HTR7: variants seen among roughly 807,000 people sequenced by gnomAD.
The protein encoded by HTR7 is 5-hydroxytryptamine receptor 7.
HTR7 carries 16 observed loss-of-function variants against 34.0 expected under a neutral mutation model. The ratio of observed to expected loss-of-function variants is 0.47; its 90% CI spans 0.32 to 0.71. The LOEUF is 0.71. HTR7 is among the 30% of genes least tolerant of loss of function. HTR7 has a pLI of 0.04. For missense variants in HTR7, 504 were observed against 625.5 expected (o/e 0.81, Z 2.07); for synonymous variants, 265 against 260.2 (o/e 1.02, Z -0.18).
At chr10:90,802,509 G>C (rs1463152637) in intron 1 of HTR7, among the ~76,000 whole-genome samples, 1 of 152,156 alleles carries the variant, frequency 6.6e-6, no homozygotes, top group African/African-American at 2.4e-5. Flanking sequence ...TAAATGAAGA[G>C]GCTTTTGAAT....
At chr10:90,808,637 G>C (rs1845745699) in intron 1 of HTR7, among the ~76,000 whole-genome samples, 1 of 152,074 alleles carries the variant, frequency 6.6e-6, no homozygotes, top group Non-Finnish European at 1.5e-5. Context: ...TGGAGGGTAA[G>C]AACCCCTGAA....
At chr10:90,766,908 TGACA>T (rs758733935) in intron 1 of HTR7, among the ~76,000 whole-genome samples, 28 of 152,276 alleles carry the variant, frequency 1.8e-4, no homozygotes, top group African/African-American at 6.7e-4. Context: ...CTGGTAGCAT[TGACA>T]GACAGACAGA....
intron 1 of HTR7, among the ~76,000 whole-genome samples, chr10:90,851,093 A>C (rs1846491119): frequency 6.6e-6 from 1 of 152,208 alleles, no homozygotes; most frequent in Non-Finnish European, 1.5e-5. Context: ...AGACCTAGAG[A>C]CATCACAGAA....
intron 1 of HTR7, among the ~76,000 whole-genome samples, chr10:90,820,191 C>G (rs1845956632): frequency 6.6e-6 from 1 of 152,106 alleles, no homozygotes; most frequent in Non-Finnish European, 1.5e-5. Context: ...GCTAGTCTGA[C>G]AGTTGAGTCA....
chr10:90,765,438 C>G (rs1183804496), intron 1 of HTR7, among the ~76,000 whole-genome samples: 1 of 151,370 alleles, frequency 6.6e-6, no homozygotes, highest in Non-Finnish European at 1.5e-5. Context: ...CATTCTTAGT[C>G]TAGTTAATGG....
chr10:90,805,947 G>C (rs1845698338), intron 1 of HTR7, among the ~76,000 whole-genome samples: 1 of 152,178 alleles, frequency 6.6e-6, no homozygotes, highest in Non-Finnish European at 1.5e-5. Flanking sequence ...AAAATCTAGA[G>C]ATCATGTTAT....
intron 1 of HTR7, among the ~76,000 whole-genome samples, chr10:90,761,581 T>C (rs1339046168): frequency 6.6e-6 from 1 of 152,110 alleles, no homozygotes; most frequent in East Asian, 1.9e-4. Flanking sequence ...GATGTGTTAC[T>C]ATGTGAGGTA....
At chr10:90,846,549 A>C (rs1846415745) in intron 1 of HTR7, among the ~76,000 whole-genome samples, 1 of 152,168 alleles carries the variant, frequency 6.6e-6, no homozygotes, top group South Asian at 2.1e-4. Flanking sequence ...CCTCTTTAAC[A>C]AGCATGACCA....
Position 90,856,991 on chromosome 10 carries a change from A to AT in HTR7, c.539+141dup, listed in dbSNP as rs1398554640. On this transcript the variant is annotated intron_variant, in intron 1 of 3. Transcript: ENST00000336152. The stretch of plus-strand genomic sequence containing the variant: ...CCGAAGTTTGGTTGGTGTAGGGTGG[A>AT]TTGGGGGGAGCGGTGTTTTAAGCGC... The AT allele has an allele frequency of 8.2e-6, 6 of 734,770 alleles. No individual in the cohort carries two copies. The Admixed American group carries it at 1.8e-4, about 22-fold the overall frequency. The allele number at this position is 734,770 out of a possible 1,614,324, so 45.5% of individuals were successfully genotyped here.
At chr10:90,784,398 G>A (rs1488900099) in intron 1 of HTR7, among the ~76,000 whole-genome samples, 3 of 152,130 alleles carry the variant, frequency 2.0e-5, no homozygotes, top group African/African-American at 7.2e-5. Flanking sequence ...CTCTTGGACT[G>A]TCTGGCCCTC....
intron 1 of HTR7, among the ~76,000 whole-genome samples, chr10:90,851,604 C>CCA (rs1846501037): frequency 1.4e-5 from 1 of 69,182 alleles, no homozygotes; most frequent in South Asian, 7.1e-4. Flanking sequence ...GACTCCGTCC[C>CCA]AAAAAAAAAA....
At chr10:90,785,287 C>T (rs1845363602) in intron 1 of HTR7, among the ~76,000 whole-genome samples, 1 of 152,152 alleles carries the variant, frequency 6.6e-6, no homozygotes, top group Non-Finnish European at 1.5e-5. Flanking sequence ...GTAGCAAAAA[C>T]TGTACCTGTC....
rs1223869619 is a variant in HTR7, at chr10:90,857,357, G to C, written c.315C>G (p.Ser105=). ...TIAGNCLVVI[S]VCFVKKLRQP... ...GGCGGAGCTTCTTGACGAAGCACAC[G>C]GAGATCACCACCAGGCAGTTGCCCG... is the stretch of plus-strand genomic sequence containing the variant. Residue 105 remains serine, a synonymous_variant, in exon 1 of 4, where the codon TCC becomes TCG. Transcript: ENST00000336152. This position sits in a 1 kb window ranked among gnomAD's most constrained non-coding sequence, Gnocchi z 6.5. The C allele has an allele frequency of 3.1e-6, 5 of 1,614,098 alleles. No individual in the cohort carries two copies. In the South Asian group the frequency reaches 5.5e-5, roughly 18 times the overall value.
At chr10:90,744,013 A>G (rs560547439) in intron 2 of HTR7, 1 of 483,468 alleles carries the variant, frequency 2.1e-6, no homozygotes, top group South Asian at 1.7e-5. Flanking sequence ...ACAGGTTTGT[A>G]CAGGAAAGAA....
Position 90,807,401 on chromosome 10 carries a change from T to C in HTR7, c.539+49732A>G, listed in dbSNP as rs568712528. 7.0e-3 allele frequency among the ~76,000 whole-genome samples: 1,065 copies of C among 152,166 alleles called. 15 individuals carry two copies. Among genetic ancestry groups the C allele is most frequent in the African/African-American group, 0.024 (984 of 41,468 alleles). Reference sequence around the variant, plus strand: ...ACAAAAGAAGTGAATATGCCCTGCCTCACCTCAACTGATGACATTCCACCA... The same window carrying C: ...ACAAAAGAAGTGAATATGCCCTGCCCCACCTCAACTGATGACATTCCACCA... On this transcript the variant is annotated intron_variant, in intron 1 of 3. Transcript: ENST00000336152.
At chr10:90,768,184 T>C (rs1357909786) in intron 1 of HTR7, among the ~76,000 whole-genome samples, 1 of 152,188 alleles carries the variant, frequency 6.6e-6, no homozygotes. Context: ...CTCCTCAATA[T>C]CTCTAAAACC....
intron 2 of HTR7, among the ~76,000 whole-genome samples, chr10:90,747,442 C>T (rs1272968619): frequency 1.3e-5 from 2 of 152,094 alleles, no homozygotes; most frequent in Non-Finnish European, 2.9e-5. Flanking sequence ...ATATTGTGAA[C>T]AATCTCGTGT....
At chr10:90,803,469 C>G (rs1329966610) in intron 1 of HTR7, among the ~76,000 whole-genome samples, 1 of 152,162 alleles carries the variant, frequency 6.6e-6, no homozygotes, top group Non-Finnish European at 1.5e-5. Flanking sequence ...TCAAATATCA[C>G]TTAAACTCCA....
intron 1 of HTR7, among the ~76,000 whole-genome samples, chr10:90,812,602 A>T (rs983231789): frequency 3.3e-5 from 5 of 151,734 alleles, no homozygotes; most frequent in Admixed American, 6.6e-5. Context: ...TCTTCTAACA[A>T]CCCCACAATA....
Sources: gnomAD v4.1 joint callset for allele counts (sites outside exome capture counted in the v4.1 genomes callset) on GRCh38, gnomAD v4.1.1 for gene constraint, Gnocchi (gnomAD v3.1) non-coding constraint, MANE v1.5 for transcripts, NCBI Gene and HGNC (gene_info 2026-07-23, HGNC 2026-07-21) for gene names.